BDP1: variants seen among roughly 807,000 people sequenced by gnomAD.
BDP1 encodes BDP1 general transcription factor IIIB subunit, also known as transcription factor TFIIIB component B'' homolog.
In BDP1, 169 loss-of-function variants were observed where a neutral mutation model predicts 266.6. The observed-to-expected ratio is 0.63, with a 90% CI of 0.56 to 0.72. The LOEUF is 0.72. Among genes scored for constraint, BDP1 ranks in the 30% least tolerant of loss-of-function variants. BDP1 has a pLI of 0.00. For synonymous variants in BDP1, 1,090 were observed against 1,022.4 expected (o/e 1.07, Z -1.26); for missense variants, 3,015 against 3,053.8 (o/e 0.99, Z 0.30).
chr5:71,486,430 G>C, intron 8 of BDP1, 54 bp from the exon 9 acceptor site: 1 of 1,436,562 alleles, frequency 7.0e-7, no homozygotes, highest in Non-Finnish European at 9.4e-7. Context: ...TTAAAAGCTA[G>C]AAGTAGCTTT....
chr5:71,561,117 A>G (rs1743619648), intron 37 of BDP1, among the ~76,000 whole-genome samples: 1 of 151,954 alleles, frequency 6.6e-6, no homozygotes, highest in South Asian at 2.1e-4. Flanking sequence ...AAAGAAAAAA[A>G]AAGGCTGGGT....
chr5:71,511,326 T>G, intron 17 of BDP1, 175 bp downstream of exon 17: 1 of 652,974 alleles, frequency 1.5e-6, no homozygotes. Flanking sequence ...TGTATGTTCT[T>G]TTTTAAAAAG....
At chr5:71,530,476 TCAAA>T (rs1299244428) in intron 25 of BDP1, among the ~76,000 whole-genome samples, 2 of 152,040 alleles carry the variant, frequency 1.3e-5, no homozygotes, top group Non-Finnish European at 2.9e-5. Context: ...ACTCCTGAGC[TCAAA>T]CAATCTGCCA....
chr5:71,563,786 C>T (rs1233854834), intron 38 of BDP1, among the ~76,000 whole-genome samples: 1 of 152,094 alleles, frequency 6.6e-6, no homozygotes, highest in Non-Finnish European at 1.5e-5. Context: ...GTGGTGTGTG[C>T]CTGTAGTCCC....
intron 35 of BDP1, 84 bp from the exon 36 acceptor site, chr5:71,556,802 T>G (rs1306260769): frequency 2.2e-5 from 14 of 641,576 alleles, no homozygotes; most frequent in Non-Finnish European, 3.6e-5. Flanking sequence ...ATAGTTTCTT[T>G]ACTTAAAGAA....
At chr5:71,519,613 A>G (rs772230671) in intron 22 of BDP1, among the ~76,000 whole-genome samples, 18 of 152,198 alleles carry the variant, frequency 1.2e-4, no homozygotes, top group Non-Finnish European at 2.4e-4. Context: ...CTCTAGTTCC[A>G]TCTATGTCAC....
At chr5:71,502,529 T>C (rs1171828852) in intron 14 of BDP1, 70 bp from the exon 15 acceptor site, 7 of 1,293,330 alleles carry the variant, frequency 5.4e-6, no homozygotes, top group Non-Finnish European at 7.4e-6. Context: ...ATGGTTTACT[T>C]ATTCATGCCA....
intron 34 of BDP1, among the ~76,000 whole-genome samples, chr5:71,551,924 C>G (rs1352924493): frequency 6.7e-6 from 1 of 150,316 alleles, no homozygotes; most frequent in African/African-American, 2.4e-5. Context: ...ACCTCCCTCC[C>G]GGACGGGGCG....
chr5:71,503,817 T>C (rs1764407055), intron 15 of BDP1, among the ~76,000 whole-genome samples: 1 of 151,866 alleles, frequency 6.6e-6, no homozygotes, highest in South Asian at 2.1e-4. Flanking sequence ...CAAAAATTTT[T>C]TTAATTAGCT....
intron 16 of BDP1, 149 bp downstream of exon 16, chr5:71,504,900 G>A: frequency 1.4e-6 from 1 of 736,702 alleles, no homozygotes; most frequent in South Asian, 1.9e-5. Context: ...CACCTTTCAA[G>A]AAAGTTTATG....
intron 22 of BDP1, among the ~76,000 whole-genome samples, chr5:71,517,846 G>A (rs142548451): frequency 4.4e-4 from 67 of 152,180 alleles, no homozygotes; most frequent in East Asian, 5.8e-4. Flanking sequence ...CGAGAGGATC[G>A]CTTGAGTCCA....
intron 6 of BDP1, 79 bp downstream of exon 6, chr5:71,467,566 C>A: frequency 8.2e-7 from 1 of 1,221,126 alleles, no homozygotes; most frequent in Non-Finnish European, 1.2e-6. Context: ...TCAGTTCTCC[C>A]CTAAGTACAT....
rs114756880 is a variant in BDP1, at chr5:71,541,315, A to C, written c.6023-139A>C. The C allele has an allele frequency of 3.8e-3, 1,849 of 482,602 alleles. 34 individuals are homozygous for C. The highest frequency in any genetic ancestry group is 0.033 in the African/African-American group (1,654 of 49,858). 29.9% of individuals were successfully genotyped at this position (482,602 alleles called of 1,614,324 possible). A position where few individuals can be genotyped will look rare whatever the true frequency, so the allele number is the denominator to read the frequency against. On this transcript the variant is annotated intron_variant, in intron 28 of 38. Coordinates refer to ENST00000358731, the MANE Select transcript of BDP1 (RefSeq NM_018429.3). ...CAAGGGCAAAATTTATTTATTTCTAAAATCTTTTTCTATTGCTGCCACACA... is the reference window on the plus strand; with the variant it reads ...CAAGGGCAAAATTTATTTATTTCTACAATCTTTTTCTATTGCTGCCACACA...
intron 13 of BDP1, among the ~76,000 whole-genome samples, chr5:71,497,829 A>G (rs1304741822): frequency 6.6e-6 from 1 of 152,206 alleles, no homozygotes; most frequent in Non-Finnish European, 1.5e-5. Flanking sequence ...CCCAGGCAAC[A>G]GAGTCCAGGA....
intron 4 of BDP1, among the ~76,000 whole-genome samples, chr5:71,465,692 C>T (rs1761861643): frequency 6.6e-6 from 1 of 152,022 alleles, no homozygotes; most frequent in Admixed American, 6.6e-5. Flanking sequence ...ACCAGCCTGG[C>T]CAACATCGTG....
At position 71,470,314 on chromosome 5, in the gene BDP1, T is replaced by A. The variant is rs921268577; in HGVS notation, c.920-81T>A. On this transcript the variant is annotated intron_variant, in intron 6 of 38. Coordinates refer to ENST00000358731, the MANE Select transcript of BDP1 (RefSeq NM_018429.3). Reference sequence around the variant, plus strand: ...GGATCTTTCTAGTAAAATTAAGTACTGTCAAATTCTGTAAGATTTCTTTTC... The same window carrying A: ...GGATCTTTCTAGTAAAATTAAGTACAGTCAAATTCTGTAAGATTTCTTTTC... 4.9e-6 allele frequency: 5 copies of A among 1,022,764 alleles called. No individual in the cohort carries two copies. In the Admixed American group the frequency reaches 1.2e-4, roughly 25 times the overall value. The allele number at this position is 1,022,764 out of a possible 1,614,324, so 63.4% of individuals were successfully genotyped here.
At chr5:71,544,033 C>T (rs1018853106) in intron 30 of BDP1, among the ~76,000 whole-genome samples, 4 of 152,188 alleles carry the variant, frequency 2.6e-5, no homozygotes, top group Non-Finnish European at 5.9e-5. Context: ...GGAACTAGCC[C>T]AACCTCGGTG....
chr5:71,525,175 C>G (rs1159043806), intron 25 of BDP1, among the ~76,000 whole-genome samples: 1 of 152,104 alleles, frequency 6.6e-6, no homozygotes, highest in Non-Finnish European at 1.5e-5. Context: ...GGGTGGTGGC[C>G]GGGCAGAGGG....
At chr5:71,469,967 A>C (rs1762143269) in intron 6 of BDP1, among the ~76,000 whole-genome samples, 1 of 149,636 alleles carries the variant, frequency 6.7e-6, no homozygotes, top group South Asian at 2.1e-4. Context: ...TCAGCCTCCC[A>C]CATAGCTGGG....
Sources: gnomAD v4.1 joint callset for allele counts (sites outside exome capture counted in the v4.1 genomes callset) on GRCh38, gnomAD v4.1.1 for gene constraint, MANE v1.5 for transcripts, NCBI Gene and HGNC (gene_info 2026-07-23, HGNC 2026-07-21) for gene names.